WDR25: variants seen among roughly 807,000 people sequenced by gnomAD.
WDR25 encodes the protein WD repeat-containing protein 25.
In WDR25, 35 loss-of-function variants were observed where a neutral mutation model predicts 47.7. That is an observed-to-expected ratio of 0.73 (90% CI 0.56 to 0.97). WDR25 has a LOEUF of 0.97. Among genes scored for constraint, WDR25 ranks in the 50% least tolerant of loss-of-function variants. The pLI, the probability that WDR25 is intolerant of heterozygous loss-of-function variation, is 0.00. For missense variants in WDR25, 634 were observed against 704.7 expected (o/e 0.90, Z 1.14); for synonymous variants, 248 against 278.9 (o/e 0.89, Z 1.10).
rs56189161 is a variant in WDR25 at position 100,490,141 on chromosome 14, G to C, written c.1101+6017G>C. The stretch of plus-strand genomic sequence containing the variant: ...GGGTGGCTCACCCTTGGGCCTGTGT[G>C]GGCCCTCAGCTCAGCTTCCTATGAT... On this transcript the variant is annotated intron_variant, in intron 4 of 6. Coordinates refer to ENST00000402312, the MANE Select transcript of WDR25 (RefSeq NM_001161476.3). Among the ~76,000 whole-genome samples, 415 of 152,286 alleles carry C rather than the reference G, an allele frequency of 2.7e-3. 2 individuals are homozygous for C. Among genetic ancestry groups the C allele is most frequent in the African/African-American group, 9.5e-3 (395 of 41,558 alleles).
intron 2 of WDR25, among the ~76,000 whole-genome samples, chr14:100,463,082 C>T (rs1422325559): frequency 6.7e-6 from 1 of 148,594 alleles, no homozygotes; most frequent in African/African-American, 2.5e-5. Context: ...CTGCTCCTTC[C>T]TTCCTTTTTC....
intron 4 of WDR25, among the ~76,000 whole-genome samples, chr14:100,514,230 C>A (rs979306507): frequency 1.5e-4 from 23 of 152,182 alleles, no homozygotes; most frequent in South Asian, 2.1e-4. Context: ...GCCACCGCGC[C>A]CGGCCCTTTT....
chr14:100,483,524 T>A (rs1900277497), intron 3 of WDR25, among the ~76,000 whole-genome samples: 1 of 152,178 alleles, frequency 6.6e-6, no homozygotes, highest in Non-Finnish European at 1.5e-5. Context: ...TATTATAAAG[T>A]GGCTGATTCT....
rs1898144530 is a variant in WDR25, at chr14:100,425,548, AG to A, written c.823-42472del. Among the ~76,000 whole-genome samples, 1 of 152,160 alleles carries A rather than the reference AG, an allele frequency of 6.6e-6. No homozygotes were observed. The highest frequency in any genetic ancestry group is 1.5e-5 in the Non-Finnish European group (1 of 68,024). On this transcript the variant is annotated intron_variant, in intron 2 of 6. Coordinates refer to ENST00000402312, the MANE Select transcript of WDR25 (RefSeq NM_001161476.3). This position sits in a 1 kb window ranked among gnomAD's most constrained non-coding sequence, Gnocchi z 4.8. ...ACAGAACCCGACTTTTGCACGTTAC[AG>A]TAGAGGTCCCTGGCAGCCCAGCTCT...
At chr14:100,478,734 T>C (rs2140311889) in intron 3 of WDR25, among the ~76,000 whole-genome samples, 1 of 152,380 alleles carries the variant, frequency 6.6e-6, no homozygotes, top group East Asian at 1.9e-4. Flanking sequence ...TTTTGTTTGT[T>C]TGTTTTAGCA....
At chr14:100,433,055 T>C (rs575969424) in intron 2 of WDR25, among the ~76,000 whole-genome samples, 1 of 152,360 alleles carries the variant, frequency 6.6e-6, no homozygotes, top group South Asian at 2.1e-4. Flanking sequence ...CTGCCGTGCA[T>C]GTGGATCGTC....
chr14:100,409,879 T>C (rs1289662633), intron 2 of WDR25, among the ~76,000 whole-genome samples: 1 of 152,262 alleles, frequency 6.6e-6, no homozygotes, highest in East Asian at 1.9e-4. Context: ...AAGAGTAATT[T>C]GCTTCCTGCA....
Position 100,381,062 on chromosome 14 carries a change from T to G in WDR25, c.138T>G (p.Pro46=). Residue 46 remains proline, a synonymous_variant, in exon 2 of 7, where the codon CCT becomes CCG. Transcript: ENST00000402312. ...ACACTTCTGGTGTGGCCAGACCACC[T>G]GGGCAGGATTTTGCATCTGGTACAC... The part of the protein sequence containing the change: ...QKDTSGVARP[P]GQDFASGTLD... The G allele has an allele frequency of 6.2e-7, 1 of 1,614,244 alleles. No individual in the cohort carries two copies. Among genetic ancestry groups the G allele is most frequent in the South Asian group, 1.1e-5 (1 of 91,088 alleles).
At chr14:100,433,397 A>G (rs940871816) in intron 2 of WDR25, among the ~76,000 whole-genome samples, 1 of 152,236 alleles carries the variant, frequency 6.6e-6, no homozygotes, top group African/African-American at 2.4e-5. Flanking sequence ...CAGGAGGCAC[A>G]TGTTGGTTAG....
chr14:100,402,340 C>T (rs1161357610), intron 2 of WDR25, among the ~76,000 whole-genome samples: 2 of 151,980 alleles, frequency 1.3e-5, no homozygotes, highest in African/African-American at 4.8e-5. Context: ...CACACTCCCC[C>T]ACTTTTCTTT....
Position 100,488,239 on chromosome 14 carries a change from G to A in WDR25, c.1101+4115G>A, listed in dbSNP as rs2140327281. Among the ~76,000 whole-genome samples the A allele has an allele frequency of 6.6e-6, 1 of 152,278 alleles. No homozygotes were observed. The highest frequency in any genetic ancestry group is 3.4e-3 in the Middle Eastern group (1 of 294). On this transcript the variant is annotated intron_variant, in intron 4 of 6. Transcript: ENST00000402312. This position sits in a 1 kb window ranked among gnomAD's most constrained non-coding sequence, Gnocchi z 4.2. ...GATGTGTTCTGCACAAGCCAGCTGT[G>A]CGTACTTACTTGAAACTGGCTTCCT...
chr14:100,501,779 C>G (rs898747144), intron 4 of WDR25, among the ~76,000 whole-genome samples: 1 of 152,198 alleles, frequency 6.6e-6, no homozygotes. Flanking sequence ...ACAGCTCAGC[C>G]CTTCCTGATG....
At chr14:100,455,000 T>C (rs1899155347) in intron 2 of WDR25, 1 of 152,346 alleles carries the variant, frequency 6.6e-6, no homozygotes, top group Non-Finnish European at 1.5e-5. Flanking sequence ...TGTTCAGTAT[T>C]CCACCCAAAA....
chr14:100,491,813 T>C (rs1900576583), intron 4 of WDR25, among the ~76,000 whole-genome samples: 1 of 152,190 alleles, frequency 6.6e-6, no homozygotes, highest in African/African-American at 2.4e-5. Context: ...GATGGGACAG[T>C]GGTGGGTTTT....
chr14:100,393,373 T>C (rs2140157131), intron 2 of WDR25, among the ~76,000 whole-genome samples: 1 of 152,334 alleles, frequency 6.6e-6, no homozygotes, highest in East Asian at 1.9e-4. Flanking sequence ...TTAGAAAAGT[T>C]GTTTGTTTTC....
At chr14:100,446,752 C>T (rs1258116548) in intron 2 of WDR25, among the ~76,000 whole-genome samples, 2 of 152,218 alleles carry the variant, frequency 1.3e-5, no homozygotes, top group African/African-American at 2.4e-5. Context: ...GATCAGCCAA[C>T]GATAGAGGGG....
At chr14:100,385,906 G>A (rs1235853652) in intron 2 of WDR25, among the ~76,000 whole-genome samples, 1 of 152,092 alleles carries the variant, frequency 6.6e-6, no homozygotes, top group East Asian at 1.9e-4. Flanking sequence ...ACAACCAGCC[G>A]TTATTGAATG....
chr14:100,444,974 A>G (rs1349436027), intron 2 of WDR25, among the ~76,000 whole-genome samples: 1 of 152,132 alleles, frequency 6.6e-6, no homozygotes, highest in Non-Finnish European at 1.5e-5. Context: ...CTCAGAGACA[A>G]TGGTCATTTA....
chr14:100,415,453 A>G (rs555076772), intron 2 of WDR25, among the ~76,000 whole-genome samples: 23 of 152,312 alleles, frequency 1.5e-4, no homozygotes, highest in African/African-American at 5.1e-4. Flanking sequence ...TGAGCAAGCC[A>G]CGAACAGCTG....
Sources: gnomAD v4.1 joint callset for allele counts (sites outside exome capture counted in the v4.1 genomes callset) on GRCh38, gnomAD v4.1.1 for gene constraint, Gnocchi (gnomAD v3.1) non-coding constraint, MANE v1.5 for transcripts, NCBI Gene and HGNC (gene_info 2026-07-23, HGNC 2026-07-21) for gene names.